The following PHLDB2 variants were observed in gnomAD, a reference collection of about 807,000 sequenced individuals.
PHLDB2 encodes pleckstrin homology like domain family B member 2, also known as pleckstrin homology-like domain family B member 2.
Under a neutral mutation model 123.6 loss-of-function variants are expected in PHLDB2, and 71 were observed. The ratio of observed to expected loss-of-function variants is 0.57; its 90% CI spans 0.47 to 0.70. The LOEUF (loss-of-function observed/expected upper bound fraction) is 0.70. Among genes scored for constraint, PHLDB2 ranks in the 30% least tolerant of loss-of-function variants. The pLI is 0.00. For missense variants in PHLDB2, 1,446 were observed against 1,519.5 expected, an observed-to-expected ratio of 0.95 and a Z score of 0.80; for synonymous variants, 547 against 541.6, an observed-to-expected ratio of 1.01 and a Z score of -0.14.
At chr3:111,957,471 T>G (rs1232504216) in intron 12 of PHLDB2, 1 of 152,352 alleles carries the variant, frequency 6.6e-6, no homozygotes, top group Non-Finnish European at 1.5e-5. Context: ...CATGACCCTC[T>G]TTGTTTTGGC....
At chr3:111,776,662 C>T (rs957980567) in intron 1 of PHLDB2, among the ~76,000 whole-genome samples, 15 of 152,132 alleles carry the variant, frequency 9.9e-5, no homozygotes, top group African/African-American at 3.6e-4. Flanking sequence ...CTCCAAGAAT[C>T]TAGGCCTGCA....
chr3:111,805,018 C>T (rs113194597), intron 1 of PHLDB2, among the ~76,000 whole-genome samples: 1 of 149,378 alleles, frequency 6.7e-6, no homozygotes, highest in Non-Finnish European at 1.5e-5. Context: ...ACACTGCTAG[C>T]AAGAATGTAG....
intron 1 of PHLDB2, among the ~76,000 whole-genome samples, chr3:111,768,608 A>C (rs887789608): frequency 2.3e-4 from 35 of 152,198 alleles, no homozygotes; most frequent in Admixed American, 1.8e-3. Context: ...CACATCAGCC[A>C]GCCAGTCCGT....
chr3:111,913,880 C>T, intron 3 of PHLDB2, 178 bp downstream of exon 3: 1 of 752,576 alleles, frequency 1.3e-6, no homozygotes. Context: ...TGTAAAGTAA[C>T]AAATTTGCAC....
intron 1 of PHLDB2, among the ~76,000 whole-genome samples, chr3:111,871,661 CAAA>C (rs879382585): frequency 2.2e-5 from 2 of 92,634 alleles, no homozygotes; most frequent in Admixed American, 2.4e-4. Flanking sequence ...AACAAACAAA[CAAA>C]AAAAACTCCA....
At chr3:111,772,296 A>G (rs2060192673) in intron 1 of PHLDB2, among the ~76,000 whole-genome samples, 1 of 152,258 alleles carries the variant, frequency 6.6e-6, no homozygotes, top group Admixed American at 6.5e-5. Flanking sequence ...TACAAGTAGT[A>G]TTTTCAAAAG....
chr3:111,822,616 A>G (rs2062455133), intron 1 of PHLDB2, among the ~76,000 whole-genome samples: 1 of 152,162 alleles, frequency 6.6e-6, no homozygotes, highest in African/African-American at 2.4e-5. Flanking sequence ...GTCTAAAATC[A>G]AAATCAGATA....
intron 1 of PHLDB2, among the ~76,000 whole-genome samples, chr3:111,777,596 T>C (rs1041707422): frequency 6.6e-6 from 1 of 152,166 alleles, no homozygotes; most frequent in Non-Finnish European, 1.5e-5. Context: ...AGCTCTTTCA[T>C]TCTGTGTTCA....
At chr3:111,894,932 G>A (rs1411258736) in intron 2 of PHLDB2, among the ~76,000 whole-genome samples, 11 of 36,620 alleles carry the variant, frequency 3.0e-4, no homozygotes, top group Admixed American at 2.8e-3. Context: ...GCTGGTTTGC[G>A]TGTGTGTGTG....
intron 1 of PHLDB2, among the ~76,000 whole-genome samples, chr3:111,771,221 CA>C (rs1412336967): frequency 1.3e-5 from 2 of 152,218 alleles, no homozygotes; most frequent in Admixed American, 1.3e-4. Flanking sequence ...TTCAAAATGT[CA>C]GCAGCGTTGG....
chr3:111,894,931 CGT>C (rs140190800), intron 2 of PHLDB2, among the ~76,000 whole-genome samples: 61 of 149,866 alleles, frequency 4.1e-4, no homozygotes, highest in African/African-American at 1.1e-3. Flanking sequence ...TGCTGGTTTG[CGT>C]GTGTGTGTGT....
intron 2 of PHLDB2, among the ~76,000 whole-genome samples, chr3:111,909,490 T>G (rs2067750856): frequency 6.6e-6 from 1 of 152,134 alleles, no homozygotes; most frequent in Non-Finnish European, 1.5e-5. Context: ...CCCGCTACTC[T>G]GGAGGCTGAG....
intron 1 of PHLDB2, among the ~76,000 whole-genome samples, chr3:111,751,482 G>A (rs979473626): frequency 6.6e-6 from 1 of 152,126 alleles, no homozygotes; most frequent in South Asian, 2.1e-4. Flanking sequence ...TGTGGATTGT[G>A]TAGCAAGACA....
intron 12 of PHLDB2, chr3:111,957,088 C>A (rs2071105147): frequency 6.6e-6 from 1 of 152,552 alleles, no homozygotes. Flanking sequence ...GTGCAAAGAA[C>A]TTTGAGAGGA....
At chr3:111,757,489 A>C (rs1390489221) in intron 1 of PHLDB2, among the ~76,000 whole-genome samples, 4 of 152,198 alleles carry the variant, frequency 2.6e-5, no homozygotes, top group African/African-American at 9.6e-5. Flanking sequence ...TTTTTTTCAA[A>C]GTTTTCAACT....
intron 1 of PHLDB2, among the ~76,000 whole-genome samples, chr3:111,752,460 TTAAA>T (rs2059797704): frequency 6.6e-6 from 1 of 152,118 alleles, no homozygotes; most frequent in Non-Finnish European, 1.5e-5. Flanking sequence ...TACATGTAGT[TTAAA>T]TGTCAGAATC....
chr3:111,860,997 T>A (rs2064807005), intron 1 of PHLDB2, among the ~76,000 whole-genome samples: 1 of 152,240 alleles, frequency 6.6e-6, no homozygotes, highest in South Asian at 2.1e-4. Context: ...AATTTGGGCG[T>A]TCGAGATATG....
chr3:111,748,123 C>A (rs1454267172), intron 1 of PHLDB2, among the ~76,000 whole-genome samples: 1 of 109,650 alleles, frequency 9.1e-6, no homozygotes, highest in Non-Finnish European at 1.7e-5. Flanking sequence ...TGAATGAGGC[C>A]TGGTGTATGG....
At chr3:111,881,275 A>G (rs1262603292) in intron 1 of PHLDB2, among the ~76,000 whole-genome samples, 7 of 152,106 alleles carry the variant, frequency 4.6e-5, no homozygotes, top group South Asian at 2.1e-4. Flanking sequence ...AGACAATTCA[A>G]TTTTTTCTTG....
Sources: allele counts gnomAD v4.1 joint callset (sites outside exome capture counted in the v4.1 genomes callset), GRCh38; gene constraint gnomAD v4.1.1; transcripts MANE v1.5; gene names NCBI Gene and HGNC (gene_info 2026-07-23, HGNC 2026-07-21).